ZBTB4: variants seen among roughly 807,000 people sequenced by gnomAD.
ZBTB4 encodes zinc finger and BTB domain containing 4.
Under a neutral mutation model 59.8 loss-of-function variants are expected in ZBTB4, and 14 were observed. The observed-to-expected ratio is 0.23, with a 90% CI of 0.15 to 0.37. The LOEUF (loss-of-function observed/expected upper bound fraction) is 0.37, where lower values mean the gene tolerates loss of function less well. ZBTB4 is among the 10% of genes least tolerant of loss of function. The pLI is 1.00. For synonymous variants in ZBTB4, 587 were observed against 575.2 expected (o/e 1.02, Z -0.29); for missense variants, 1,198 against 1,380.8 (o/e 0.87, Z 2.10).
At chr17:7,482,652 C>T, upstream of ZBTB4, 2 of 1,612,064 alleles carry the variant, frequency 1.2e-6, no homozygotes, top group Non-Finnish European at 1.7e-6. Context: ...CCAACAGTGG[C>T]CTTCCTATCT....
chr17:7,466,451 G>A lies in ZBTB4; in HGVS notation c.351C>T (p.Pro117=). The change falls in exon 3 of 4, where the codon CCC becomes CCT. Residue 117 remains proline (P), a synonymous_variant. Transcript: ENST00000380599. This position sits in a 1 kb window ranked among gnomAD's most constrained non-coding sequence, Gnocchi z 9.1. ...SSSSSPPPAS[P]PASSPPRVLE... ...GGACCCGGGGTGGGGAAGAAGCAGG[G>A]GGAGAGGCTGGAGGGGGAGAGGAAG... The A allele has an allele frequency of 1.2e-6, 2 of 1,613,152 alleles. No individual in the cohort carries two copies. The highest frequency in any genetic ancestry group is 1.7e-6 in the Non-Finnish European group (2 of 1,179,678).
At chr17:7,467,383 C>A in intron 1 of ZBTB4, 56 bp from the exon 2 acceptor site, 1 of 476,534 alleles carries the variant, frequency 2.1e-6, no homozygotes, top group Non-Finnish European at 2.7e-6. Context: ...AGAAGAGGGT[C>A]CTCAAGGAGG....
upstream of ZBTB4, chr17:7,482,162 A>G: frequency 6.2e-7 from 1 of 1,614,010 alleles, no homozygotes; most frequent in Non-Finnish European, 8.5e-7. Flanking sequence ...CCTTTCTCAT[A>G]TGGCTTACCA....
chr17:7,478,941 C>A (rs963809492), intron 1 of ZBTB4, among the ~76,000 whole-genome samples: 1 of 152,214 alleles, frequency 6.6e-6, no homozygotes, highest in Non-Finnish European at 1.5e-5. Context: ...CAGCCACAAC[C>A]CTGCCCCGAC....
intron 2 of ZBTB4, 25 bp downstream of exon 2, chr17:7,467,232 T>C (rs1273057063): frequency 2.0e-6 from 2 of 1,002,804 alleles, no homozygotes; most frequent in East Asian, 1.0e-4. Flanking sequence ...TTGTCCTCAC[T>C]GTAGGCCTCT....
intron 3 of ZBTB4, among the ~76,000 whole-genome samples, chr17:7,464,858 TA>T (rs919511040): frequency 2.2e-3 from 259 of 117,398 alleles, no homozygotes; most frequent in Middle Eastern, 6.3e-3. Flanking sequence ...AATGCCGTCT[TA>T]AAAAAAAAAA....
chr17:7,480,125 A>G (rs2070325537), upstream of ZBTB4, among the ~76,000 whole-genome samples: 1 of 151,894 alleles, frequency 6.6e-6, no homozygotes, highest in Admixed American at 6.5e-5. Context: ...GCGGAAAAAG[A>G]AGGCCCTGGC....
chr17:7,475,487 T>G (rs774078288), intron 1 of ZBTB4, among the ~76,000 whole-genome samples: 4 of 152,016 alleles, frequency 2.6e-5, no homozygotes, highest in African/African-American at 4.8e-5. Context: ...TATATTATCC[T>G]GTTGCCCAGG....
At chr17:7,472,223 C>T (rs148822422) in intron 1 of ZBTB4, among the ~76,000 whole-genome samples, 2 of 152,044 alleles carry the variant, frequency 1.3e-5, no homozygotes, top group African/African-American at 4.8e-5. Context: ...CACAGTCCAG[C>T]TCTGTCGCCC....
At chr17:7,479,107 C>A (rs997338050) in intron 1 of ZBTB4, among the ~76,000 whole-genome samples, 1 of 152,112 alleles carries the variant, frequency 6.6e-6, no homozygotes, top group Admixed American at 6.5e-5. Flanking sequence ...ACCCGCCCCA[C>A]CCCACCCCCA....
upstream of ZBTB4, chr17:7,483,239 G>A (rs933254248): frequency 1.0e-5 from 8 of 771,886 alleles, no homozygotes; most frequent in Middle Eastern, 3.8e-4. Flanking sequence ...ATAACTAAGG[G>A]GTAAAGTCTG....
intron 1 of ZBTB4, among the ~76,000 whole-genome samples, chr17:7,469,415 C>G (rs1348807794): frequency 6.6e-6 from 1 of 151,546 alleles, no homozygotes; most frequent in Non-Finnish European, 1.5e-5. Context: ...ACCTGCCTAC[C>G]TAGGCCTCCC....
At chr17:7,470,008 G>C (rs1007856907) in intron 1 of ZBTB4, among the ~76,000 whole-genome samples, 2 of 152,080 alleles carry the variant, frequency 1.3e-5, no homozygotes, top group East Asian at 3.9e-4. Context: ...CTTGAATCCG[G>C]GAGGCGGAGG....
chr17:7,475,419 C>A (rs1225333146), intron 1 of ZBTB4, among the ~76,000 whole-genome samples: 1 of 152,082 alleles, frequency 6.6e-6, no homozygotes, highest in Non-Finnish European at 1.5e-5. Flanking sequence ...CTTCTTGGGG[C>A]CTCACACACA....
chr17:7,472,634 C>CTTTTTTTTTTT (rs71157290), intron 1 of ZBTB4, among the ~76,000 whole-genome samples: 1 of 72,922 alleles, frequency 1.4e-5, no homozygotes, highest in Non-Finnish European at 2.3e-5. Flanking sequence ...CCTGGCCATT[C>CTTTTTTTTTTT]TTTTTTTTTT....
In ZBTB4 at chr17:7,461,585, G is replaced by C. The variant is rs778942402; in HGVS notation, c.*355C>G. 4 of 197,862 alleles carry C rather than the reference G, an allele frequency of 2.0e-5. No homozygotes were observed. The highest frequency in any genetic ancestry group is 1.6e-4 in the South Asian group (1 of 6,390). 12.3% of individuals were successfully genotyped at this position (197,862 alleles called of 1,614,324 possible). ...GAGAGATGGTTTCCCCTAGGTTTAC[G>C]AATCAGGGGAGCAGGTTAGACATTC... On this transcript the variant is annotated 3_prime_UTR_variant, in exon 4 of 4. Transcript: ENST00000380599.
At chr17:7,478,088 G>A (rs186111025) in intron 1 of ZBTB4, among the ~76,000 whole-genome samples, 4 of 152,090 alleles carry the variant, frequency 2.6e-5, no homozygotes, top group African/African-American at 7.2e-5. Context: ...GCCTGCTTGC[G>A]GCTGGCCTCT....
chr17:7,468,936 G>C (rs918781470), intron 1 of ZBTB4, among the ~76,000 whole-genome samples: 15 of 152,296 alleles, frequency 9.8e-5, no homozygotes, highest in African/African-American at 2.6e-4. Flanking sequence ...GGACTGATGA[G>C]GTTCTGGGTC....
chr17:7,482,665 C>G (rs753390919), upstream of ZBTB4: 3 of 1,611,940 alleles, frequency 1.9e-6, no homozygotes, highest in African/African-American at 4.0e-5. Flanking sequence ...TCCTATCTGG[C>G]TTGGTGGGGC....
Sources: allele counts gnomAD v4.1 joint callset (sites outside exome capture counted in the v4.1 genomes callset), GRCh38; gene constraint gnomAD v4.1.1; non-coding constraint Gnocchi (gnomAD v3.1); transcripts MANE v1.5; gene names NCBI Gene and HGNC (gene_info 2026-07-23, HGNC 2026-07-21).